Variants in MCPH1 observed in about 807,000 individuals in gnomAD.
MCPH1 encodes microcephalin.
A neutral mutation model predicts 84.5 loss-of-function variants in MCPH1; 104 were observed. That is an observed-to-expected ratio of 1.23 (90% CI 1.05 to 1.45). MCPH1 has a LOEUF of 1.45. Among genes scored for constraint, MCPH1 ranks in the 40% most tolerant of loss-of-function variants. The pLI is 0.00. For missense variants in MCPH1, 1,498 were observed against 1,005.7 expected, an observed-to-expected ratio of 1.49 and a Z score of -6.62; for synonymous variants, 514 against 366.8, an observed-to-expected ratio of 1.40 and a Z score of -4.58.
chr8:6,623,013 C>CTTTTTTTT (rs1164226735), intron 13 of MCPH1, among the ~76,000 whole-genome samples: 9 of 109,894 alleles, frequency 8.2e-5, no homozygotes, highest in African/African-American at 1.8e-4. Flanking sequence ...GCTTTACTTT[C>CTTTTTTTT]TTTTTTTTTT....
intron 9 of MCPH1, chr8:6,473,915 G>A (rs998216124): frequency 1.3e-6 from 2 of 1,547,894 alleles, no homozygotes; most frequent in African/African-American, 1.4e-5. Context: ...TAGCTCTTCT[G>A]GTTTATTGCT....
chr8:6,557,727 A>C (rs1235667854), intron 12 of MCPH1, among the ~76,000 whole-genome samples: 1 of 152,080 alleles, frequency 6.6e-6, no homozygotes, highest in Admixed American at 6.6e-5. Flanking sequence ...ACATATATAC[A>C]GGGAGAGATA....
intron 12 of MCPH1, among the ~76,000 whole-genome samples, chr8:6,586,220 C>T (rs917934378): frequency 5.9e-5 from 9 of 152,222 alleles, no homozygotes; most frequent in African/African-American, 1.9e-4. Context: ...CTCAGCCTCC[C>T]GGAGTCCTGG....
At chr8:6,514,188 A>G (rs1011218357) in intron 12 of MCPH1, among the ~76,000 whole-genome samples, 2 of 152,088 alleles carry the variant, frequency 1.3e-5, no homozygotes, top group Non-Finnish European at 2.9e-5. Flanking sequence ...AAAATAAGCT[A>G]AGTAGTGGCA....
At chr8:6,499,663 AACTTTTT>A (rs1811766397) in intron 11 of MCPH1, 182 bp from the exon 12 acceptor site, 1 of 560,630 alleles carries the variant, frequency 1.8e-6, no homozygotes, top group Non-Finnish European at 3.2e-6. Context: ...TTTCTCAATC[AACTTTTT>A]ATTAATATTC....
At chr8:6,470,620 T>C (rs1369438764) in intron 9 of MCPH1, among the ~76,000 whole-genome samples, 1 of 152,224 alleles carries the variant, frequency 6.6e-6, no homozygotes, top group African/African-American at 2.4e-5. Context: ...AATGTTAAGA[T>C]ACATGCTTTA....
chr8:6,449,733 C>T (rs1726472706), intron 8 of MCPH1, among the ~76,000 whole-genome samples: 1 of 152,102 alleles, frequency 6.6e-6, no homozygotes, highest in African/African-American at 2.4e-5. Flanking sequence ...TGTCCACAGC[C>T]AGTTTGCATG....
At chr8:6,554,382 A>G (rs1463282351) in intron 12 of MCPH1, among the ~76,000 whole-genome samples, 1 of 152,060 alleles carries the variant, frequency 6.6e-6, no homozygotes, top group African/African-American at 2.4e-5. Context: ...CCAAAAGCCA[A>G]TTATGATTAT....
At chr8:6,523,656 C>G (rs970855022) in intron 12 of MCPH1, among the ~76,000 whole-genome samples, 15 of 152,160 alleles carry the variant, frequency 9.9e-5, no homozygotes, top group Non-Finnish European at 2.1e-4. Flanking sequence ...GTGGCGCGAT[C>G]TCAGCTCGCT....
intron 13 of MCPH1, chr8:6,626,409 C>G (rs1832078077): frequency 1.0e-6 from 1 of 983,726 alleles, no homozygotes; most frequent in African/African-American, 1.8e-5. Flanking sequence ...GTACTTGGGC[C>G]AAGATTCTTG....
intron 12 of MCPH1, among the ~76,000 whole-genome samples, chr8:6,585,944 AG>A (rs1676267200): frequency 6.6e-6 from 1 of 152,212 alleles, no homozygotes; most frequent in South Asian, 2.1e-4. Context: ...TTTTTCTGAA[AG>A]CAAGTGAAGC....
intron 12 of MCPH1, among the ~76,000 whole-genome samples, chr8:6,575,361 C>G (rs902875391): frequency 3.9e-5 from 6 of 152,066 alleles, no homozygotes; most frequent in African/African-American, 1.4e-4. Flanking sequence ...TTATGAGGGA[C>G]CCTTGGCCAC....
chr8:6,636,997 T>A (rs1433370039), intron 13 of MCPH1, among the ~76,000 whole-genome samples: 12 of 152,252 alleles, frequency 7.9e-5, no homozygotes, highest in Admixed American at 7.9e-4. Flanking sequence ...ATCAGCGATG[T>A]GAATGTCTCC....
At chr8:6,451,966 G>GT (rs1805141863) in intron 8 of MCPH1, among the ~76,000 whole-genome samples, 3 of 152,152 alleles carry the variant, frequency 2.0e-5, no homozygotes, top group Non-Finnish European at 4.4e-5. Context: ...TCTTAATTCT[G>GT]TATCTTGGAA....
intron 6 of MCPH1, among the ~76,000 whole-genome samples, 155 bp downstream of exon 6, chr8:6,439,251 T>C (rs888525871): frequency 1.5e-4 from 23 of 152,190 alleles, no homozygotes; most frequent in African/African-American, 3.4e-4. Flanking sequence ...GAAAATCTTA[T>C]GCATCATTAA....
chr8:6,518,261 G>T (rs1481201276), intron 12 of MCPH1, among the ~76,000 whole-genome samples: 1 of 152,178 alleles, frequency 6.6e-6, no homozygotes, highest in Non-Finnish European at 1.5e-5. Context: ...CCCAGGCCAA[G>T]AACACGCCAA....
chr8:6,481,175 G>T (rs1481208456), intron 11 of MCPH1, among the ~76,000 whole-genome samples: 3 of 152,208 alleles, frequency 2.0e-5, no homozygotes, highest in African/African-American at 7.2e-5. Context: ...CAAGATGCAT[G>T]TTCTCACAGT....
At chr8:6,489,639 T>G (rs867285029) in intron 11 of MCPH1, among the ~76,000 whole-genome samples, 1 of 152,226 alleles carries the variant, frequency 6.6e-6, no homozygotes, top group African/African-American at 2.4e-5. Flanking sequence ...ATATTGCTGA[T>G]ATGTTATTCC....
chr8:6,485,510 A>T lies in MCPH1; in HGVS notation c.2136+4634A>T, dbSNP rs960691567. On this transcript the variant is annotated intron_variant, in intron 11 of 13. Transcript: ENST00000344683. ...TACTTCCTGTTAGCACTGAAGCTTC[A>T]TCCCAGCTTTTCTATCTTAAAAAAA... Among the ~76,000 whole-genome samples, 2 of 151,444 alleles carry T rather than the reference A, an allele frequency of 1.3e-5. 1 individual carries two copies. The highest frequency in any genetic ancestry group is 4.9e-5 in the African/African-American group (2 of 41,054).
Sources: allele counts gnomAD v4.1 joint callset (sites outside exome capture counted in the v4.1 genomes callset), GRCh38; gene constraint gnomAD v4.1.1; transcripts MANE v1.5; gene names NCBI Gene and HGNC (gene_info 2026-07-23, HGNC 2026-07-21).